The following SOX7 variants were observed in gnomAD, a reference collection of about 807,000 sequenced individuals.
The protein encoded by SOX7 is transcription factor SOX-7.
Under a neutral mutation model 24.9 loss-of-function variants are expected in SOX7, and 19 were observed. That is an observed-to-expected ratio of 0.76 (90% CI 0.53 to 1.12). SOX7 has a LOEUF of 1.12. Among genes scored for constraint, SOX7 ranks in the 50% most tolerant of loss-of-function variants. The pLI is 0.00. For missense variants in SOX7, 702 were observed against 535.0 expected (o/e 1.31, Z -3.08); for synonymous variants, 327 against 244.5 (o/e 1.34, Z -3.15).
intron 1 of SOX7, among the ~76,000 whole-genome samples, chr8:10,729,956 G>A (rs1228217097): frequency 6.6e-6 from 1 of 152,074 alleles, no homozygotes; most frequent in African/African-American, 2.4e-5. Context: ...TCCCAGCAGA[G>A]GAGCCTCCCT....
chr8:10,725,734 A>G lies in SOX7; in HGVS notation c.*4T>C. 4 of 1,614,102 alleles carry G rather than the reference A, an allele frequency of 2.5e-6. No homozygotes were observed. The highest frequency in any genetic ancestry group is 3.4e-6 in the Non-Finnish European group (4 of 1,180,008). On this transcript the variant is annotated 3_prime_UTR_variant, in exon 2 of 2. Coordinates refer to ENST00000304501, the MANE Select transcript of SOX7 (RefSeq NM_031439.4). ...AGGGCTGACCGGACGGGGCGCCTCC[A>G]GCTCTATGACACACTGTAGCTGTTG... is the stretch of plus-strand genomic sequence containing the variant.
chr8:10,729,440 T>C (rs1030245148), intron 1 of SOX7: 1 of 152,092 alleles, frequency 6.6e-6, no homozygotes, highest in Non-Finnish European at 1.5e-5. Flanking sequence ...GAAACCCCCA[T>C]AGGAACTCCG....
rs572384865 is a variant in SOX7 at position 10,726,218 on chromosome 8, G to A, written c.687C>T (p.Gly229=). The change falls in exon 2 of 2, where the codon GGC becomes GGT. Residue 229 remains glycine (G), a synonymous_variant. Coordinates refer to ENST00000304501, the MANE Select transcript of SOX7 (RefSeq NM_031439.4). ...GCAGGTGGGGGATGCGGCGGGGATGGCCATGCTCCTCCTGGCAGGGGGAGG... is the reference window on the plus strand; with the variant it reads ...GCAGGTGGGGGATGCGGCGGGGATGACCATGCTCCTCCTGGCAGGGGGAGG... The part of the protein sequence containing the change: ...FFSSPCQEEH[G]HPRRIPHLPG... The A allele has an allele frequency of 1.9e-6, 3 of 1,612,140 alleles. No individual in the cohort carries two copies. Among genetic ancestry groups the A allele is most frequent in the South Asian group, 1.1e-5 (1 of 91,022 alleles).
At position 10,725,653 on chromosome 8, in the gene SOX7, G is replaced by C. The variant is rs1055959750; in HGVS notation, c.*85C>G. ...CCCTGCCCTGAGCGGTGGGAGGAAA[G>C]CTGGTGTGGCTGGACGGCTCCTCTG... On this transcript the variant is annotated 3_prime_UTR_variant, in exon 2 of 2. Transcript: ENST00000304501. 3.5e-6 allele frequency: 5 copies of C among 1,444,014 alleles called. No individual in the cohort carries two copies. The highest frequency in any genetic ancestry group is 4.8e-6 in the Non-Finnish European group (5 of 1,045,260). The allele number at this position is 1,444,014 out of a possible 1,614,324, so 89.5% of individuals were successfully genotyped here.
In SOX7 at chr8:10,725,519, C is replaced by G. The variant is rs1326379403; in HGVS notation, c.*219G>C. On this transcript the variant is annotated 3_prime_UTR_variant, in exon 2 of 2. Transcript: ENST00000304501. ...AGGAAAACTCACTTGAAGGAATATACTTAAAATGTGGGCTGCAGGGGCTGG... is the reference window on the plus strand; with the variant it reads ...AGGAAAACTCACTTGAAGGAATATAGTTAAAATGTGGGCTGCAGGGGCTGG... The G allele has an allele frequency of 1.0e-5, 6 of 590,198 alleles. No individual in the cohort carries two copies. Among genetic ancestry groups the G allele is most frequent in the Non-Finnish European group, 1.8e-5 (6 of 332,122 alleles). 36.6% of individuals were successfully genotyped at this position (590,198 alleles called of 1,614,324 possible).
intron 1 of SOX7, among the ~76,000 whole-genome samples, chr8:10,727,578 G>A (rs544134232): frequency 1.6e-4 from 25 of 152,320 alleles, no homozygotes; most frequent in African/African-American, 5.8e-4. Context: ...TATGCTGGCT[G>A]CGCTTGATCT....
In SOX7 at chr8:10,723,917, T is replaced by C. The variant is rs1031511348; in HGVS notation, c.*1821A>G. ...TTTATGAGATTATTCATACATGCTC[T>C]GGACTGCGCATCAGTCAATCATATC... On this transcript the variant is annotated 3_prime_UTR_variant, in exon 2 of 2. Transcript: ENST00000304501. 22 of 152,666 alleles carry C rather than the reference T, an allele frequency of 1.4e-4. No individual in the cohort carries two copies. Among genetic ancestry groups the C allele is most frequent in the African/African-American group, 5.1e-4 (21 of 41,456 alleles). 9.5% of individuals were successfully genotyped at this position (152,666 alleles called of 1,614,324 possible). A position where few individuals can be genotyped will look rare whatever the true frequency, so the allele number is the denominator to read the frequency against.
At position 10,730,297 on chromosome 8, in the gene SOX7, C is replaced by T; in HGVS notation, c.137G>A (p.Arg46Gln). The T allele has an allele frequency of 6.3e-7, 1 of 1,581,018 alleles. No individual in the cohort carries two copies. The highest frequency in any genetic ancestry group is 8.6e-7 in the Non-Finnish European group (1 of 1,165,572). The change falls in exon 1 of 2, where the codon CGG becomes CAG. Residue 46 changes from arginine to glutamine, a missense_variant. Coordinates refer to ENST00000304501, the MANE Select transcript of SOX7 (RefSeq NM_031439.4). This position sits in a 1 kb window ranked among gnomAD's most constrained non-coding sequence, Gnocchi z 4.8. ...PGDKGSESRI[R>Q]RPMNAFMVWA... is the part of the protein sequence containing the mutation. ...AACCATGAAGGCGTTCATGGGCCGC[C>T]GGATACGGCTCTCGGAGCCCTTGTC...
Position 10,726,474 on chromosome 8 carries a change from G to C in SOX7, c.431C>G (p.Ala144Gly), listed in dbSNP as rs749029820. Residue 144 changes from alanine to glycine, a missense_variant, in exon 2 of 2, where the codon GCC becomes GGC. Ala to Gly is a moderately conservative substitution (Grantham distance 60). Transcript: ENST00000304501. The stretch of plus-strand genomic sequence containing the variant: ...GCTGCCGCTTCTCTTCTCCGGCAGG[G>C]CGTTCTGGTCCCGGGAGAGGGAGCT... ...LLSSLSRDQN[A>G]LPEKRSGSRG... 6.2e-7 allele frequency: 1 copy of C among 1,612,334 alleles called. No individual in the cohort carries two copies. Among genetic ancestry groups the C allele is most frequent in the South Asian group, 1.1e-5 (1 of 91,084 alleles).
At position 10,726,200 on chromosome 8, in the gene SOX7, G is replaced by A. The variant is rs746169885; in HGVS notation, c.705C>T (p.Pro235=). The part of the protein sequence containing the change: ...QEEHGHPRRI[P]HLPGHPYSPE... Reference sequence around the variant, plus strand: ...GTGAGTACGGGTGCCCTGGCAGGTGGGGGATGCGGCGGGGATGGCCATGCT... The same window carrying A: ...GTGAGTACGGGTGCCCTGGCAGGTGAGGGATGCGGCGGGGATGGCCATGCT... The change falls in exon 2 of 2, where the codon CCC becomes CCT. Residue 235 remains proline (P), a synonymous_variant. Transcript: ENST00000304501. 15 of 1,613,224 alleles carry A rather than the reference G, an allele frequency of 9.3e-6. No individual in the cohort carries two copies. In the South Asian group the frequency reaches 1.4e-4, roughly 15 times the overall value.
intron 1 of SOX7, among the ~76,000 whole-genome samples, chr8:10,727,703 C>T (rs1800182342): frequency 6.6e-6 from 1 of 152,188 alleles, no homozygotes; most frequent in South Asian, 2.1e-4. Context: ...TGGGGGGCTT[C>T]TGGACCCCTT....
rs930764821 is a variant in SOX7 at position 10,723,846 on chromosome 8, T to A, written c.*1892A>T. 6.6e-6 allele frequency: 1 copy of A among 152,664 alleles called. No individual in the cohort carries two copies. The highest frequency in any genetic ancestry group is 1.5e-5 in the Non-Finnish European group (1 of 68,036). The allele number at this position is 152,664 out of a possible 1,614,324, so 9.5% of individuals were successfully genotyped here. On this transcript the variant is annotated 3_prime_UTR_variant, in exon 2 of 2. Coordinates refer to ENST00000304501, the MANE Select transcript of SOX7 (RefSeq NM_031439.4). ...ACAACTGTTCCAAAGTATGAGTTGT[T>A]CTTTCAAAAAAACGAAACAGTTTAG...
intron 1 of SOX7, chr8:10,729,519 C>A (rs2129063516): frequency 6.6e-6 from 1 of 152,306 alleles, no homozygotes; most frequent in East Asian, 1.9e-4. Flanking sequence ...GTCCCCAGTC[C>A]CTGCGGGGAC....
rs1800107308 is a variant in SOX7 at position 10,724,717 on chromosome 8, ATTC to A, written c.*1018_*1020del. ...CCTGGTATACATTCAGACTGTGCAT[ATTC>A]TTTTTTTTTTTTTTTTCTTGAAATG... On this transcript the variant is annotated 3_prime_UTR_variant, in exon 2 of 2. Transcript: ENST00000304501. The A allele has an allele frequency of 6.9e-6, 1 of 145,192 alleles. No individual in the cohort carries two copies. The highest frequency in any genetic ancestry group is 2.8e-5 in the African/African-American group (1 of 36,120). The allele number at this position is 145,192 out of a possible 1,614,324, so 9.0% of individuals were successfully genotyped here. A position where few individuals can be genotyped will look rare whatever the true frequency, so the allele number is the denominator to read the frequency against.
rs144477752 is a variant in SOX7, at chr8:10,728,866, T to G, written c.238+1330A>C. 1.2e-4 allele frequency among the ~76,000 whole-genome samples: 19 copies of G among 152,402 alleles called. No homozygotes were observed. In the East Asian group the frequency reaches 3.7e-3, roughly 29 times the overall value. On this transcript the variant is annotated intron_variant, in intron 1 of 1. Transcript: ENST00000304501. ...GGATCCACAACAAACATATTTTCAC[T>G]TCTTTTAAAATCTGAAGAAAAATAT...
At position 10,726,059 on chromosome 8, in the gene SOX7, G is replaced by A; in HGVS notation, c.846C>T (p.Ala282=). The A allele has an allele frequency of 6.4e-7, 1 of 1,566,408 alleles. No homozygotes were observed. The highest frequency in any genetic ancestry group is 1.2e-5 in the South Asian group (1 of 81,656). ...SPVPGCPPSP[A]YYSPATYHPL... ...GGTGGTAGGTGGCCGGGGAGTAATA[G>A]GCAGGAGATGGGGGACAGCCGGGTA... The change falls in exon 2 of 2, where the codon GCC becomes GCT. Residue 282 remains alanine (A), a synonymous_variant. Transcript: ENST00000304501.
chr8:10,725,432 T>G lies in SOX7; in HGVS notation c.*306A>C. 2.4e-6 allele frequency: 1 copy of G among 410,370 alleles called. No homozygotes were observed. Among genetic ancestry groups the G allele is most frequent in the Non-Finnish European group, 4.4e-6 (1 of 228,162 alleles). 25.4% of individuals were successfully genotyped at this position (410,370 alleles called of 1,614,324 possible). ...TCTGTCCCCCCATTAGTTTCGATGATGGCTACCAAGAAAAGACGTCAGTGA... is the reference window on the plus strand; with the variant it reads ...TCTGTCCCCCCATTAGTTTCGATGAGGGCTACCAAGAAAAGACGTCAGTGA... On this transcript the variant is annotated 3_prime_UTR_variant, in exon 2 of 2. Coordinates refer to ENST00000304501, the MANE Select transcript of SOX7 (RefSeq NM_031439.4).
chr8:10,729,497 T>G (rs1449310740), intron 1 of SOX7: 1 of 152,100 alleles, frequency 6.6e-6, no homozygotes, highest in Admixed American at 6.5e-5. Context: ...CTCTTGGACC[T>G]GGTGAGTCCG....
At chr8:10,729,481 C>G (rs942026008) in intron 1 of SOX7, 3 of 152,170 alleles carry the variant, frequency 2.0e-5, no homozygotes, top group African/African-American at 7.2e-5. Context: ...CAGCCTCACT[C>G]TGGACCTCTT....
Sources: allele counts gnomAD v4.1 joint callset (sites outside exome capture counted in the v4.1 genomes callset), GRCh38; gene constraint gnomAD v4.1.1; non-coding constraint Gnocchi (gnomAD v3.1); transcripts MANE v1.5; gene names NCBI Gene and HGNC (gene_info 2026-07-23, HGNC 2026-07-21).